PDGFC: variants seen among roughly 807,000 people sequenced by gnomAD.
PDGFC encodes platelet derived growth factor C.
PDGFC carries 12 observed loss-of-function variants against 35.5 expected under a neutral mutation model. That is an observed-to-expected ratio of 0.34 (90% CI 0.22 to 0.55). The LOEUF (loss-of-function observed/expected upper bound fraction) is 0.55, where lower values mean the gene tolerates loss of function less well. Ranked by LOEUF, PDGFC falls within the 20% of genes least tolerant of loss-of-function variation. PDGFC has a pLI of 0.91. For synonymous variants in PDGFC, 159 were observed against 148.8 expected, an observed-to-expected ratio of 1.07 and a Z score of -0.50; for missense variants, 322 against 412.4, an observed-to-expected ratio of 0.78 and a Z score of 1.90.
intron 2 of PDGFC, among the ~76,000 whole-genome samples, chr4:156,849,119 G>A (rs76488803): frequency 0.062 from 9,454 of 152,042 alleles, 391 homozygotes; most frequent in Middle Eastern, 0.12. Context: ...CTAAATAGGT[G>A]TTAGGAAAAA....
rs558481259 is a variant in PDGFC at position 156,821,480 on chromosome 4, A to G, written c.315-10463T>C. Among the ~76,000 whole-genome samples the G allele has an allele frequency of 3.9e-5, 6 of 151,920 alleles. No individual in the cohort carries two copies. The East Asian group carries it at 1.2e-3, about 29-fold the overall frequency. On this transcript the variant is annotated intron_variant, in intron 2 of 5. Transcript: ENST00000502773. Reference sequence around the variant, plus strand: ...GGTTTCAAACTCCTGGGCTCAAGTGATACTCCCACCTCGGCCGCCCAACAT... The same window carrying G: ...GGTTTCAAACTCCTGGGCTCAAGTGGTACTCCCACCTCGGCCGCCCAACAT...
intron 1 of PDGFC, among the ~76,000 whole-genome samples, chr4:156,924,624 T>C (rs1192050432): frequency 6.6e-6 from 1 of 151,982 alleles, no homozygotes; most frequent in Non-Finnish European, 1.5e-5. Context: ...GGGGAAGAAA[T>C]GTCGGTCAGG....
intron 1 of PDGFC, among the ~76,000 whole-genome samples, chr4:156,866,212 T>C (rs966359141): frequency 6.6e-6 from 1 of 152,144 alleles, no homozygotes; most frequent in Non-Finnish European, 1.5e-5. Context: ...CAGTGTTTGG[T>C]TTTTTGTCCT....
chr4:156,954,478 GC>G (rs762209125), intron 1 of PDGFC, among the ~76,000 whole-genome samples: 8 of 151,854 alleles, frequency 5.3e-5, no homozygotes, highest in Non-Finnish European at 1.2e-4. Context: ...ACTAGAAAGA[GC>G]AAAAGGGGAA....
chr4:156,817,024 G>A (rs1732105888), intron 2 of PDGFC, among the ~76,000 whole-genome samples: 1 of 152,172 alleles, frequency 6.6e-6, no homozygotes, highest in South Asian at 2.1e-4. Context: ...AAAACCAATA[G>A]GCATGCTTCA....
rs1374567422 is a variant in PDGFC, at chr4:156,970,924, C to G, written c.-21G>C. 1.3e-6 allele frequency: 2 copies of G among 1,519,732 alleles called. No homozygotes were observed. The highest frequency in any genetic ancestry group is 1.8e-6 in the Non-Finnish European group (2 of 1,095,364). 94.1% of individuals were successfully genotyped at this position (1,519,732 alleles called of 1,614,324 possible). On this transcript the variant is annotated 5_prime_UTR_variant, in exon 1 of 6. Coordinates refer to ENST00000502773, the MANE Select transcript of PDGFC (RefSeq NM_016205.3). ...CTCATTTGGCTGACTGGGGTGAGAGCTCACTCACGGCGGGCACTTTGGAAG... is the reference window on the plus strand; with the variant it reads ...CTCATTTGGCTGACTGGGGTGAGAGGTCACTCACGGCGGGCACTTTGGAAG...
chr4:156,917,891 C>G (rs1410997031), intron 1 of PDGFC, among the ~76,000 whole-genome samples: 1 of 152,208 alleles, frequency 6.6e-6, no homozygotes, highest in African/African-American at 2.4e-5. Flanking sequence ...AACCACTTAT[C>G]TGTTTCAACA....
rs1469535287 is a variant in PDGFC at position 156,966,008 on chromosome 4, C to CT, written c.118+4777dup. On this transcript the variant is annotated intron_variant, in intron 1 of 5. Transcript: ENST00000502773. ...CTTCATCACGTGTTGGTCCATTTGT[C>CT]TTAGAGGAGTTGCACTAGTCTCTTC... Among the ~76,000 whole-genome samples, 4 of 152,164 alleles carry CT rather than the reference C, an allele frequency of 2.6e-5. No homozygotes were observed. The East Asian group carries it at 7.8e-4, about 30-fold the overall frequency.
intron 1 of PDGFC, among the ~76,000 whole-genome samples, chr4:156,885,595 T>A (rs2111181742): frequency 6.6e-6 from 1 of 152,234 alleles, no homozygotes; most frequent in East Asian, 1.9e-4. Context: ...TTTTGTGTAA[T>A]AAGATTTAGG....
chr4:156,772,859 G>A lies in PDGFC; in HGVS notation c.530C>T (p.Pro177Leu), dbSNP rs1578999305. The A allele has an allele frequency of 6.2e-7, 1 of 1,613,196 alleles. No homozygotes were observed. The highest frequency in any genetic ancestry group is 8.5e-7 in the Non-Finnish European group (1 of 1,179,282). Residue 177 changes from proline to leucine, a missense_variant, in exon 4 of 6, where the codon CCC (proline) becomes CTC (leucine). By Grantham distance (98) the Pro-to-Leu change is moderately conservative. Coordinates refer to ENST00000502773, the MANE Select transcript of PDGFC (RefSeq NM_016205.3). ...CAGGTCCAGTGGCAAAGCTGAAGGG[G>A]GTAGCACTGAAGGACTCACAGCTTC... ...FTEAVSPSVLPPSALPLDLLN... is the reference protein window; with the variant it reads ...FTEAVSPSVLLPSALPLDLLN...
intron 1 of PDGFC, among the ~76,000 whole-genome samples, chr4:156,879,436 T>G (rs916918338): frequency 6.6e-6 from 1 of 152,174 alleles, no homozygotes; most frequent in Admixed American, 6.5e-5. Flanking sequence ...TCTCTTAAGT[T>G]ATTTACTTAC....
At position 156,841,705 on chromosome 4, in the gene PDGFC, C is replaced by T. The variant is rs140269966; in HGVS notation, c.314+8516G>A. ...TTTTTTGGTAGAGACAGGGTTTTAC[C>T]AAACTGGCCAAGCTGGTCTCAATCT... On this transcript the variant is annotated intron_variant, in intron 2 of 5. Coordinates refer to ENST00000502773, the MANE Select transcript of PDGFC (RefSeq NM_016205.3). 3.8e-4 allele frequency among the ~76,000 whole-genome samples: 57 copies of T among 151,990 alleles called. 1 individual carries two copies. In the East Asian group the frequency reaches 0.01, roughly 27 times the overall value.
intron 3 of PDGFC, among the ~76,000 whole-genome samples, chr4:156,807,567 C>G (rs1216403940): frequency 2.0e-5 from 3 of 151,936 alleles, no homozygotes; most frequent in African/African-American, 7.2e-5. Context: ...GTGGGTAAAT[C>G]ATCTTACAAG....
intron 3 of PDGFC, among the ~76,000 whole-genome samples, chr4:156,793,706 A>C (rs775092116): frequency 6.6e-6 from 1 of 151,932 alleles, no homozygotes; most frequent in African/African-American, 2.4e-5. Flanking sequence ...AATAAACCTG[A>C]CCTTAAAACA....
chr4:156,882,054 C>T (rs1730256891), intron 1 of PDGFC, among the ~76,000 whole-genome samples: 1 of 151,950 alleles, frequency 6.6e-6, no homozygotes, highest in Non-Finnish European at 1.5e-5. Flanking sequence ...CTTTATTGAC[C>T]ACCTGTTTTA....
chr4:156,957,808 T>C (rs889901389), intron 1 of PDGFC, among the ~76,000 whole-genome samples: 1 of 151,980 alleles, frequency 6.6e-6, no homozygotes, highest in Non-Finnish European at 1.5e-5. Context: ...CCATTTCCAA[T>C]GACCTTCCCA....
chr4:156,964,024 A>G (rs1220728622), intron 1 of PDGFC, among the ~76,000 whole-genome samples: 2 of 151,730 alleles, frequency 1.3e-5, no homozygotes, highest in Non-Finnish European at 2.9e-5. Flanking sequence ...AGAATATCCC[A>G]TAGAATATAG....
At chr4:156,773,276 T>C (rs1201971516) in intron 3 of PDGFC, among the ~76,000 whole-genome samples, 1 of 152,290 alleles carries the variant, frequency 6.6e-6, no homozygotes, top group South Asian at 2.1e-4. Context: ...CTGGTAGTTA[T>C]GCAAATTAGT....
intron 1 of PDGFC, among the ~76,000 whole-genome samples, chr4:156,918,095 A>G (rs185272534): frequency 6.6e-6 from 1 of 152,326 alleles, no homozygotes; most frequent in Admixed American, 6.5e-5. Context: ...CTTAAATCAA[A>G]TACTTCTACC....
Sources: allele counts gnomAD v4.1 joint callset (sites outside exome capture counted in the v4.1 genomes callset), GRCh38; gene constraint gnomAD v4.1.1; transcripts MANE v1.5; gene names NCBI Gene and HGNC (gene_info 2026-07-23, HGNC 2026-07-21).